THADA: variants seen among roughly 807,000 people sequenced by gnomAD.
THADA encodes THADA armadillo repeat containing, also known as tRNA (32-2'-O)-methyltransferase regulator THADA.
THADA carries 213 observed loss-of-function variants against 219.8 expected under a neutral mutation model. The ratio of observed to expected loss-of-function variants is 0.97; its 90% CI spans 0.87 to 1.09. THADA has a LOEUF of 1.09. Among genes scored for constraint, THADA ranks in the 50% least tolerant of loss-of-function variants. THADA has a pLI of 0.00. For missense variants in THADA, 2,956 were observed against 2,311.3 expected (o/e 1.28, Z -5.72); for synonymous variants, 1,018 against 828.9 (o/e 1.23, Z -3.92).
At chr2:43,274,597 C>T (rs116766659) in intron 36 of THADA, among the ~76,000 whole-genome samples, 275 of 152,270 alleles carry the variant, frequency 1.8e-3, no homozygotes, top group Non-Finnish European at 3.2e-3. Flanking sequence ...GCTGCAGCGG[C>T]TCAGGGAATG....
intron 26 of THADA, among the ~76,000 whole-genome samples, chr2:43,445,903 A>T (rs1306868342): frequency 1.3e-5 from 2 of 152,144 alleles, no homozygotes; most frequent in Non-Finnish European, 2.9e-5. Flanking sequence ...GAATTCCCAA[A>T]TCACTAAACT....
chr2:43,234,870 A>C (rs995742122), intron 36 of THADA, among the ~76,000 whole-genome samples: 6 of 152,042 alleles, frequency 3.9e-5, no homozygotes, highest in African/African-American at 1.5e-4. Context: ...ACTGGGTTTC[A>C]CCATGTTGGC....
At chr2:43,357,432 A>T (rs1668992223) in intron 29 of THADA, among the ~76,000 whole-genome samples, 1 of 152,202 alleles carries the variant, frequency 6.6e-6, no homozygotes, top group Non-Finnish European at 1.5e-5. Flanking sequence ...TACCCAATGG[A>T]GTTGGGCAAA....
chr2:43,327,853 C>G (rs1004260301), intron 30 of THADA, among the ~76,000 whole-genome samples: 1 of 152,196 alleles, frequency 6.6e-6, no homozygotes, highest in African/African-American at 2.4e-5. Flanking sequence ...TGAGGATACG[C>G]TGAATGGCTG....
At chr2:43,265,387 T>C (rs914060802) in intron 36 of THADA, among the ~76,000 whole-genome samples, 6 of 152,212 alleles carry the variant, frequency 3.9e-5, no homozygotes, top group Non-Finnish European at 5.9e-5. Flanking sequence ...CTCTGCTGAT[T>C]AGAGAGGTTA....
intron 36 of THADA, among the ~76,000 whole-genome samples, chr2:43,266,556 T>C (rs1169335647): frequency 1.3e-5 from 2 of 152,162 alleles, no homozygotes; most frequent in African/African-American, 4.8e-5. Context: ...TAAGCCAAGA[T>C]AGCGCCACTG....
At chr2:43,260,411 T>C (rs1363722880) in intron 36 of THADA, among the ~76,000 whole-genome samples, 2 of 152,226 alleles carry the variant, frequency 1.3e-5, no homozygotes, top group African/African-American at 2.4e-5. Context: ...TTTTCTATTG[T>C]CTTCATTTAC....
At chr2:43,340,169 G>A (rs907293751) in intron 30 of THADA, among the ~76,000 whole-genome samples, 2 of 152,090 alleles carry the variant, frequency 1.3e-5, no homozygotes, top group African/African-American at 2.4e-5. Flanking sequence ...GAGGAGTGGA[G>A]GAAAACAGGA....
intron 36 of THADA, among the ~76,000 whole-genome samples, chr2:43,241,686 A>G (rs1307130089): frequency 6.6e-6 from 1 of 151,994 alleles, no homozygotes; most frequent in Non-Finnish European, 1.5e-5. Flanking sequence ...GGCCTGCATT[A>G]GAAGACGGCA....
intron 22 of THADA, among the ~76,000 whole-genome samples, chr2:43,518,199 G>A (rs537998971): frequency 1.3e-5 from 2 of 152,248 alleles, no homozygotes; most frequent in African/African-American, 2.4e-5. Flanking sequence ...ATAAATATTT[G>A]TTGAATAAAT....
chr2:43,574,348 C>A lies in THADA; in HGVS notation c.1717G>T (p.Asp573Tyr). The change falls in exon 11 of 38, where the codon GAT (aspartate) becomes TAT (tyrosine). Residue 573 changes from aspartate to tyrosine, a missense_variant. Transcript: ENST00000405975. ...GCATTTTTCTTACCAGTTTTAGCAT[C>A]AATAGAAGTCTGAAGAATCTTTACC... ...YMVKILQTSI[D>Y]AKTGQEQSFP... 6.4e-7 allele frequency: 1 copy of A among 1,564,402 alleles called. No individual in the cohort carries two copies. Among genetic ancestry groups the A allele is most frequent in the Non-Finnish European group, 8.6e-7 (1 of 1,159,048 alleles).
intron 31 of THADA, among the ~76,000 whole-genome samples, chr2:43,301,467 C>T (rs984034508): frequency 6.6e-6 from 1 of 152,206 alleles, no homozygotes; most frequent in Non-Finnish European, 1.5e-5. Context: ...TTAGACCTGG[C>T]TTTGCTCTCA....
At chr2:43,353,563 T>C (rs1375132291) in intron 29 of THADA, among the ~76,000 whole-genome samples, 1 of 152,264 alleles carries the variant, frequency 6.6e-6, no homozygotes, top group Non-Finnish European at 1.5e-5. Context: ...CTGAGTTGTA[T>C]GAGTTACTCA....
rs573893949 is a variant in THADA, at chr2:43,508,521, C to T, written c.3507+127G>A. ...CCACATTAAAACAAAGCCACAAATGCTATGGTGCTGAAAAGACAGAAATGT... is the reference window on the plus strand; with the variant it reads ...CCACATTAAAACAAAGCCACAAATGTTATGGTGCTGAAAAGACAGAAATGT... On this transcript the variant is annotated intron_variant, in intron 23 of 37. Coordinates refer to ENST00000405975, the MANE Select transcript of THADA (RefSeq NM_022065.5). 1.2e-4 allele frequency: 108 copies of T among 909,446 alleles called. 1 individual carries two copies. In the African/African-American group the frequency reaches 1.5e-3, roughly 13 times the overall value. The allele number at this position is 909,446 out of a possible 1,614,324, so 56.3% of individuals were successfully genotyped here.
intron 22 of THADA, among the ~76,000 whole-genome samples, chr2:43,527,375 T>C (rs1292851199): frequency 6.6e-6 from 1 of 152,234 alleles, no homozygotes; most frequent in African/African-American, 2.4e-5. Flanking sequence ...TTTGGTTAAA[T>C]ATATGAAATC....
At chr2:43,314,273 A>G (rs17030668) in intron 31 of THADA, among the ~76,000 whole-genome samples, 12,119 of 152,250 alleles carry the variant, frequency 0.08, 633 homozygotes, top group South Asian at 0.19. Flanking sequence ...TTCATGAGTC[A>G]TATTTCAATA....
chr2:43,453,328 T>C (rs1682593491), intron 26 of THADA, among the ~76,000 whole-genome samples: 1 of 152,208 alleles, frequency 6.6e-6, no homozygotes, highest in South Asian at 2.1e-4. Context: ...AAGAACTGCC[T>C]GGAAGTACTC....
At chr2:43,580,868 AGACT>A (rs1700363735) in intron 8 of THADA, among the ~76,000 whole-genome samples, 1 of 151,728 alleles carries the variant, frequency 6.6e-6, no homozygotes, top group Non-Finnish European at 1.5e-5. Context: ...CGACAAAGAG[AGACT>A]CCATCTCAGA....
intron 15 of THADA, chr2:43,563,798 T>C (rs1698356465): frequency 6.6e-6 from 1 of 152,190 alleles, no homozygotes; most frequent in African/African-American, 2.4e-5. Flanking sequence ...GTTCTTGAGA[T>C]GATAATGAAG....
Sources: allele counts gnomAD v4.1 joint callset (sites outside exome capture counted in the v4.1 genomes callset), GRCh38; gene constraint gnomAD v4.1.1; transcripts MANE v1.5; gene names NCBI Gene and HGNC (gene_info 2026-07-23, HGNC 2026-07-21).